The following PLEKHA6 variants were observed in gnomAD, a reference collection of about 807,000 sequenced individuals.
The protein encoded by PLEKHA6 is pleckstrin homology domain containing A6.
In PLEKHA6, 60 loss-of-function variants were observed where a neutral mutation model predicts 116.7. That is an observed-to-expected ratio of 0.51 (90% CI 0.42 to 0.64). PLEKHA6 has a LOEUF of 0.64. PLEKHA6 is among the 30% of genes least tolerant of loss of function. The pLI, the probability that PLEKHA6 is intolerant of heterozygous loss-of-function variation, is 0.00. For missense variants in PLEKHA6, 1,338 were observed against 1,422.7 expected, an observed-to-expected ratio of 0.94 and a Z score of 0.96; for synonymous variants, 489 against 556.1, an observed-to-expected ratio of 0.88 and a Z score of 1.70.
At chr1:204,374,717 A>C (rs920736792) in intron 1 of PLEKHA6, among the ~76,000 whole-genome samples, 3 of 151,940 alleles carry the variant, frequency 2.0e-5, no homozygotes, top group Non-Finnish European at 4.4e-5. Flanking sequence ...TGTGTCTTCT[A>C]TAGTCTAAAC....
Position 204,252,059 on chromosome 1 carries a change from C to T in PLEKHA6, c.1525-1445G>A, listed in dbSNP as rs967407803. Reference sequence around the variant, plus strand: ...TCTAGGACCTGCTCTTTGGATGGGCCGCCACAGATACAGAGGCCTGCCCCC... The same window carrying T: ...TCTAGGACCTGCTCTTTGGATGGGCTGCCACAGATACAGAGGCCTGCCCCC... On this transcript the variant is annotated intron_variant, in intron 9 of 22. Coordinates refer to ENST00000272203, the MANE Select transcript of PLEKHA6 (RefSeq NM_014935.5). 5.3e-5 allele frequency among the ~76,000 whole-genome samples: 8 copies of T among 151,706 alleles called. No individual in the cohort carries two copies. In the South Asian group the frequency reaches 6.3e-4, roughly 12 times the overall value.
intron 1 of PLEKHA6, among the ~76,000 whole-genome samples, chr1:204,325,558 G>C (rs909872242): frequency 2.0e-5 from 3 of 152,230 alleles, no homozygotes; most frequent in African/African-American, 7.2e-5. Context: ...GAGCCCGAAT[G>C]CCCAGCTGCC....
At chr1:204,308,012 T>C (rs1030583640) in intron 1 of PLEKHA6, 12 of 437,408 alleles carry the variant, frequency 2.7e-5, no homozygotes, top group African/African-American at 8.6e-5. Context: ...CATATATAAA[T>C]GGCTAAATTT....
intron 5 of PLEKHA6, 110 bp downstream of exon 5, chr1:204,267,365 T>A: frequency 2.3e-6 from 2 of 852,420 alleles, no homozygotes; most frequent in Non-Finnish European, 2.0e-6. Flanking sequence ...AGTGAGGAGA[T>A]CTGCCCTGCT....
At chr1:204,312,479 C>G (rs767807799) in intron 1 of PLEKHA6, among the ~76,000 whole-genome samples, 1 of 152,240 alleles carries the variant, frequency 6.6e-6, no homozygotes, top group Non-Finnish European at 1.5e-5. Context: ...TTCCTACAAC[C>G]TGCCCTTGCT....
chr1:204,309,183 T>C (rs1037411534), intron 1 of PLEKHA6: 8 of 325,772 alleles, frequency 2.5e-5, no homozygotes, highest in African/African-American at 1.8e-4. Flanking sequence ...AGATTCACAC[T>C]GAAGACTCCC....
At chr1:204,240,945 C>G (rs1415610609) in intron 17 of PLEKHA6, among the ~76,000 whole-genome samples, 1 of 152,142 alleles carries the variant, frequency 6.6e-6, no homozygotes, top group African/African-American at 2.4e-5. Flanking sequence ...ACTGGCCTAG[C>G]CTCCCAGCCT....
chr1:204,289,727 C>G (rs1166636116), intron 1 of PLEKHA6, among the ~76,000 whole-genome samples: 1 of 152,208 alleles, frequency 6.6e-6, no homozygotes, highest in Non-Finnish European at 1.5e-5. Flanking sequence ...TGATCTATGA[C>G]TTAGAACAGA....
At chr1:204,253,525 A>C (rs993300843) in intron 9 of PLEKHA6, among the ~76,000 whole-genome samples, 4 of 152,168 alleles carry the variant, frequency 2.6e-5, no homozygotes, top group African/African-American at 9.7e-5. Flanking sequence ...CCTTCTCAAA[A>C]AAAAGAGTAC....
chr1:204,266,896 T>C (rs1666892999), intron 5 of PLEKHA6, among the ~76,000 whole-genome samples: 1 of 152,072 alleles, frequency 6.6e-6, no homozygotes, highest in Non-Finnish European at 1.5e-5. Flanking sequence ...GCACAACTTT[T>C]AAAAATAGAG....
chr1:204,274,668 G>A, intron 2 of PLEKHA6, 61 bp downstream of exon 2: 6 of 985,834 alleles, frequency 6.1e-6, no homozygotes, highest in Non-Finnish European at 7.2e-6. Context: ...CTGCAAGGAG[G>A]CAGTGGGATG....
At chr1:204,309,350 T>C (rs1378509028) in intron 1 of PLEKHA6, among the ~76,000 whole-genome samples, 3 of 152,180 alleles carry the variant, frequency 2.0e-5, no homozygotes, top group African/African-American at 7.2e-5. Flanking sequence ...TAATATATCA[T>C]TGTACAATCA....
intron 1 of PLEKHA6, among the ~76,000 whole-genome samples, chr1:204,345,103 A>AC (rs1445160758): frequency 2.2e-4 from 33 of 152,320 alleles, no homozygotes; most frequent in African/African-American, 7.7e-4. Flanking sequence ...TTTCAGAACA[A>AC]CTTGTATTTC....
chr1:204,237,553 T>TC (rs1473115025), intron 17 of PLEKHA6, among the ~76,000 whole-genome samples: 1 of 152,188 alleles, frequency 6.6e-6, no homozygotes, highest in African/African-American at 2.4e-5. Context: ...AAGTGGTGAC[T>TC]CCAATTGCAG....
chr1:204,291,622 A>C (rs2103030331), intron 1 of PLEKHA6, among the ~76,000 whole-genome samples: 1 of 152,388 alleles, frequency 6.6e-6, no homozygotes, highest in South Asian at 2.1e-4. Context: ...AATATGCAGC[A>C]TAATGGATGA....
intron 3 of PLEKHA6, among the ~76,000 whole-genome samples, chr1:204,268,707 CTCTGGG>C (rs1305250527): frequency 7.1e-4 from 108 of 152,008 alleles, no homozygotes; most frequent in African/African-American, 2.4e-3. Flanking sequence ...CATCCTCCTG[CTCTGGG>C]AGTCCTGTTC....
In PLEKHA6 at chr1:204,267,414, T is replaced by C. The variant is rs375690429; in HGVS notation, c.280+61A>G. ...AGCCAAGCTCGGGGATATGGCAGAA[T>C]GAGAAAGAGTAGTGGGTCCTGGCTT... is the stretch of plus-strand genomic sequence containing the variant. On this transcript the variant is annotated intron_variant, in intron 5 of 22. Coordinates refer to ENST00000272203, the MANE Select transcript of PLEKHA6 (RefSeq NM_014935.5). The C allele has an allele frequency of 2.1e-4, 294 of 1,427,268 alleles. 2 individuals are homozygous for C. Among genetic ancestry groups the C allele is most frequent in the Middle Eastern group, 7.0e-4 (4 of 5,726 alleles). 88.4% of individuals were successfully genotyped at this position (1,427,268 alleles called of 1,614,324 possible).
chr1:204,237,283 C>T (rs1662197274), intron 17 of PLEKHA6, among the ~76,000 whole-genome samples: 1 of 152,208 alleles, frequency 6.6e-6, no homozygotes, highest in Non-Finnish European at 1.5e-5. Flanking sequence ...CCCACATTGG[C>T]TCCCTGACTG....
In PLEKHA6 at chr1:204,228,143, G is replaced by A. The variant is rs779094013; in HGVS notation, c.2971C>T (p.Arg991Trp). The A allele has an allele frequency of 1.2e-5, 20 of 1,613,152 alleles. No individual in the cohort carries two copies. The highest frequency in any genetic ancestry group is 7.7e-5 in the South Asian group (7 of 90,990). ...GCCAGGGCGCAGGAGATTTCAATCC[G>A]CTTCTCCTGCTCCTGCAGCTGGCTC... ...SESQLQEQEK[R>W]IEISCALATE... Residue 991 changes from arginine to tryptophan, a missense_variant, in exon 21 of 23, where the codon CGG becomes TGG. Transcript: ENST00000272203. The surrounding 1 kb of genome is among the most constrained non-coding windows in gnomAD (Gnocchi z 4.0).
Sources: gnomAD v4.1 joint callset for allele counts (sites outside exome capture counted in the v4.1 genomes callset) on GRCh38, gnomAD v4.1.1 for gene constraint, Gnocchi (gnomAD v3.1) non-coding constraint, MANE v1.5 for transcripts, NCBI Gene and HGNC (gene_info 2026-07-23, HGNC 2026-07-21) for gene names.